Variants in AATF observed in about 807,000 individuals in gnomAD.
AATF encodes the protein apoptosis antagonizing transcription factor, also known as protein AATF.
Under a neutral mutation model 63.7 loss-of-function variants are expected in AATF, and 48 were observed. The observed-to-expected ratio is 0.75, with a 90% CI of 0.60 to 0.96. AATF has a LOEUF of 0.96. AATF is among the 40% of genes least tolerant of loss of function. The pLI, the probability that AATF is intolerant of heterozygous loss-of-function variation, is 0.00. For missense variants in AATF, 639 were observed against 685.7 expected (o/e 0.93, Z 0.76); for synonymous variants, 258 against 247.7 (o/e 1.04, Z -0.39).
chr17:36,962,751 A>G (rs1288642597), intron 4 of AATF, among the ~76,000 whole-genome samples: 1 of 152,170 alleles, frequency 6.6e-6, no homozygotes, highest in African/African-American at 2.4e-5. Context: ...GAAGTTGTAC[A>G]TATCATTGCA....
chr17:37,017,407 C>A (rs897072443), intron 8 of AATF, among the ~76,000 whole-genome samples: 2 of 152,096 alleles, frequency 1.3e-5, no homozygotes, highest in African/African-American at 4.8e-5. Flanking sequence ...ACCAGAAGCC[C>A]ATTTCTGCTT....
At chr17:37,009,823 CAAAAAAAAAA>C (rs1160362372) in intron 8 of AATF, among the ~76,000 whole-genome samples, 27 of 28,776 alleles carry the variant, frequency 9.4e-4, no homozygotes, top group Non-Finnish European at 1.1e-3. Flanking sequence ...GACTCCGTCT[CAAAAAAAAAA>C]AAAAAAAAAA....
intron 11 of AATF, among the ~76,000 whole-genome samples, chr17:37,040,636 CT>C (rs1287191513): frequency 6.6e-6 from 1 of 152,104 alleles, no homozygotes; most frequent in East Asian, 1.9e-4. Flanking sequence ...AATTCACAAA[CT>C]TTTAGAAATA....
At chr17:37,027,043 T>C (rs543778203) in intron 10 of AATF, among the ~76,000 whole-genome samples, 17 of 152,328 alleles carry the variant, frequency 1.1e-4, no homozygotes, top group African/African-American at 3.4e-4. Flanking sequence ...AACATTACCT[T>C]CTGGAAACAG....
intron 2 of AATF, 49 bp downstream of exon 2, chr17:36,950,454 G>T (rs771514985): frequency 6.4e-7 from 1 of 1,559,552 alleles, no homozygotes; most frequent in Non-Finnish European, 8.8e-7. Flanking sequence ...AATTTTTTCA[G>T]GGTTAAAATC....
intron 4 of AATF, 24 bp from the exon 5 acceptor site, chr17:36,986,593 C>A: frequency 6.3e-7 from 1 of 1,582,792 alleles, no homozygotes; most frequent in Non-Finnish European, 8.7e-7. Context: ...ATTAATTGTC[C>A]TTTCTCTGTC....
intron 4 of AATF, 80 bp downstream of exon 4, chr17:36,953,987 G>A: frequency 1.4e-6 from 2 of 1,465,738 alleles, no homozygotes; most frequent in Non-Finnish European, 1.9e-6. Flanking sequence ...TGGACTGGGA[G>A]CTTGAGCCAT....
chr17:37,007,487 A>G (rs1399513509), intron 8 of AATF, among the ~76,000 whole-genome samples: 3 of 149,956 alleles, frequency 2.0e-5, no homozygotes, highest in Non-Finnish European at 4.4e-5. Flanking sequence ...TACAGGCATC[A>G]GCCACTGTGC....
At chr17:36,998,159 A>G (rs2071268550) in intron 8 of AATF, among the ~76,000 whole-genome samples, 1 of 152,168 alleles carries the variant, frequency 6.6e-6, no homozygotes, top group African/African-American at 2.4e-5. Context: ...CCAAAATCTC[A>G]CAAATCACCA....
At chr17:37,038,664 G>C (rs1471723541) in intron 11 of AATF, among the ~76,000 whole-genome samples, 1 of 152,002 alleles carries the variant, frequency 6.6e-6, no homozygotes, top group South Asian at 2.1e-4. Flanking sequence ...CATTTTGTAG[G>C]TACTCCATTC....
intron 11 of AATF, among the ~76,000 whole-genome samples, chr17:37,049,406 T>G (rs2071726092): frequency 6.6e-6 from 1 of 151,944 alleles, no homozygotes; most frequent in African/African-American, 2.4e-5. Flanking sequence ...ATCGAGACCA[T>G]CCTGGCTAAC....
At chr17:37,039,653 G>A (rs1012133052) in intron 11 of AATF, among the ~76,000 whole-genome samples, 1 of 152,136 alleles carries the variant, frequency 6.6e-6, no homozygotes, top group South Asian at 2.1e-4. Flanking sequence ...TAAGGATGGC[G>A]TCCAGCACAG....
intron 11 of AATF, among the ~76,000 whole-genome samples, chr17:37,032,140 G>GA (rs2071556578): frequency 6.6e-6 from 1 of 152,034 alleles, no homozygotes; most frequent in Non-Finnish European, 1.5e-5. Flanking sequence ...GAGAAATACA[G>GA]AAAAAAAGTG....
intron 8 of AATF, among the ~76,000 whole-genome samples, chr17:37,012,385 G>A (rs937209498): frequency 2.6e-5 from 4 of 152,058 alleles, no homozygotes; most frequent in Non-Finnish European, 5.9e-5. Context: ...CTAGGGAGCT[G>A]AGAACCAAAA....
chr17:36,979,214 A>G (rs2071102215), intron 4 of AATF, among the ~76,000 whole-genome samples: 1 of 152,184 alleles, frequency 6.6e-6, no homozygotes, highest in Admixed American at 6.5e-5. Context: ...TCCAAGCAGC[A>G]CATTATTATG....
intron 6 of AATF, 71 bp downstream of exon 6, chr17:36,988,791 G>T: frequency 7.0e-7 from 1 of 1,419,938 alleles, no homozygotes; most frequent in Admixed American, 1.9e-5. Context: ...TAAGAAATTG[G>T]AACTACAGCT....
Position 36,953,819 on chromosome 17 carries a change from G to C in AATF, c.744G>C (p.Leu248=). The change falls in exon 4 of 12, where the codon CTG becomes CTC. Residue 248 remains leucine (L), a synonymous_variant. Transcript: ENST00000619387. The part of the protein sequence containing the change: ...LEGRIKLQKA[L]LTTNQLPQPD... ...GAAGGATCAAACTACAAAAAGCTCT[G>C]TTGACCACCAACCAGCTTCCTCAAC... 6.2e-7 allele frequency: 1 copy of C among 1,614,120 alleles called. No individual in the cohort carries two copies. The highest frequency in any genetic ancestry group is 8.5e-7 in the Non-Finnish European group (1 of 1,180,028).
intron 4 of AATF, among the ~76,000 whole-genome samples, chr17:36,967,068 T>G (rs988479059): frequency 2.0e-5 from 3 of 152,156 alleles, no homozygotes; most frequent in Non-Finnish European, 4.4e-5. Context: ...CTTTTTTTGT[T>G]TTTTGTTTTG....
intron 8 of AATF, among the ~76,000 whole-genome samples, chr17:37,000,877 A>C (rs1367620422): frequency 6.6e-6 from 1 of 152,178 alleles, no homozygotes; most frequent in Admixed American, 6.5e-5. Context: ...ACTTGAGCCC[A>C]GGAGTTTGAA....
Sources: gnomAD v4.1 joint callset for allele counts (sites outside exome capture counted in the v4.1 genomes callset) on GRCh38, gnomAD v4.1.1 for gene constraint, MANE v1.5 for transcripts, NCBI Gene and HGNC (gene_info 2026-07-23, HGNC 2026-07-21) for gene names.